The following ATP10B variants were observed in gnomAD, a reference collection of about 807,000 sequenced individuals.
The protein encoded by ATP10B is phospholipid-transporting ATPase VB.
In ATP10B, 122 loss-of-function variants were observed where a neutral mutation model predicts 141.2. The ratio of observed to expected loss-of-function variants is 0.86; its 90% CI spans 0.75 to 1.00. The LOEUF is 1.00. Ranked by LOEUF, ATP10B falls within the 50% of genes least tolerant of loss-of-function variation. The pLI is 0.00. For missense variants in ATP10B, 1,876 were observed against 1,825.3 expected (o/e 1.03, Z -0.51); for synonymous variants, 685 against 692.0 (o/e 0.99, Z 0.16).
intron 1 of ATP10B, among the ~76,000 whole-genome samples, chr5:160,851,377 T>C (rs1301873439): frequency 2.0e-5 from 3 of 152,190 alleles, no homozygotes; most frequent in Admixed American, 6.5e-5. Context: ...CTTTTTTATT[T>C]TTTTTCTGGA....
chr5:160,787,207 G>C (rs542138571), intron 1 of ATP10B, among the ~76,000 whole-genome samples: 51 of 151,650 alleles, frequency 3.4e-4, no homozygotes, highest in African/African-American at 1.2e-3. Flanking sequence ...TAGATTTCAA[G>C]ATTCACATTA....
the ATP10B span, among the ~76,000 whole-genome samples, chr5:160,916,898 C>G: frequency 6.6e-6 from 1 of 152,148 alleles, no homozygotes; most frequent in African/African-American, 2.4e-5. Context: ...TCTACAGTGT[C>G]GTGTGGTTTA....
At chr5:160,692,812 C>T (rs1274258809) in intron 3 of ATP10B, 1 of 152,210 alleles carries the variant, frequency 6.6e-6, no homozygotes, top group African/African-American at 2.4e-5. Flanking sequence ...TAGCCCCAAA[C>T]TCCTCACGGA....
intron 2 of ATP10B, among the ~76,000 whole-genome samples, chr5:160,783,380 C>T (rs1326366806): frequency 3.7e-5 from 5 of 136,926 alleles, no homozygotes; most frequent in African/African-American, 1.1e-4. Context: ...AGTATTTCAT[C>T]ATATATATAT....
chr5:160,623,829 T>A (rs1467786071), intron 13 of ATP10B, among the ~76,000 whole-genome samples: 1 of 152,240 alleles, frequency 6.6e-6, no homozygotes, highest in Non-Finnish European at 1.5e-5. Flanking sequence ...ATCTCCCTGC[T>A]GGCATCTTGC....
chr5:160,625,828 T>C (rs986166507), intron 13 of ATP10B, among the ~76,000 whole-genome samples: 1 of 152,246 alleles, frequency 6.6e-6, no homozygotes, highest in African/African-American at 2.4e-5. Flanking sequence ...GACTCCTTTC[T>C]AGGATACCAC....
At chr5:160,619,588 A>G (rs1007671850) in intron 15 of ATP10B, among the ~76,000 whole-genome samples, 8 of 152,318 alleles carry the variant, frequency 5.3e-5, no homozygotes, top group Admixed American at 2.6e-4. Flanking sequence ...CAGGAGGCAC[A>G]GGGCTGCCTG....
chr5:160,630,878 G>A (rs183243568), intron 13 of ATP10B, among the ~76,000 whole-genome samples: 1 of 152,312 alleles, frequency 6.6e-6, no homozygotes, highest in African/African-American at 2.4e-5. Context: ...GATGAGTAAT[G>A]ACCCAGAACA....
chr5:160,873,077 G>A, the ATP10B span, among the ~76,000 whole-genome samples: 1 of 149,330 alleles, frequency 6.7e-6, no homozygotes, highest in Non-Finnish European at 1.5e-5. Context: ...TTTTCTTGTA[G>A]CGGTCTTTTG....
At chr5:160,703,189 G>A (rs1764774826) in intron 3 of ATP10B, among the ~76,000 whole-genome samples, 1 of 152,008 alleles carries the variant, frequency 6.6e-6, no homozygotes, top group Non-Finnish European at 1.5e-5. Context: ...AATTTATTAT[G>A]TATATAATTA....
chr5:160,669,635 C>T (rs1168487477), intron 7 of ATP10B, among the ~76,000 whole-genome samples: 2 of 105,490 alleles, frequency 1.9e-5, no homozygotes, highest in South Asian at 3.1e-4. Flanking sequence ...TTTTTTGAGA[C>T]GGAGTCTCAC....
intron 7 of ATP10B, among the ~76,000 whole-genome samples, chr5:160,655,554 A>C (rs1453458733): frequency 2.6e-5 from 4 of 152,158 alleles, no homozygotes; most frequent in African/African-American, 9.7e-5. Flanking sequence ...AGAAGTGTGT[A>C]TTTTGAAAGG....
chr5:160,573,183 T>G (rs187003959), intron 24 of ATP10B, among the ~76,000 whole-genome samples: 43 of 152,324 alleles, frequency 2.8e-4, no homozygotes, highest in Admixed American at 2.7e-3. Context: ...AGTGCCCTTA[T>G]AAGAAAAGAC....
chr5:160,815,117 T>C (rs1363926824), intron 1 of ATP10B, among the ~76,000 whole-genome samples: 4 of 152,066 alleles, frequency 2.6e-5, no homozygotes, highest in African/African-American at 4.8e-5. Flanking sequence ...AATGACAGGA[T>C]CAAATTCACA....
rs1261562061 is a variant in ATP10B at position 160,822,989 on chromosome 5, CATATATATATACATATAT to C, written c.-576+28934_-576+28951del. 5.5e-3 allele frequency among the ~76,000 whole-genome samples: 383 copies of C among 69,706 alleles called. 7 individuals are homozygous for C. In the East Asian group the frequency reaches 0.061, roughly 11 times the overall value. The allele number at this position is 69,706 out of a possible 152,430, so 45.7% of individuals were successfully genotyped here. A position where few individuals can be genotyped will look rare whatever the true frequency, so the allele number is the denominator to read the frequency against. The stretch of plus-strand genomic sequence containing the variant: ...TGACTATAGTAAAAAATTACATATA[CATATATATATACATATAT>C]ATATATATATATATATATATATATA... On this transcript the variant is annotated intron_variant, in intron 1 of 25. Coordinates refer to ENST00000327245, the MANE Select transcript of ATP10B (RefSeq NM_025153.3).
intron 1 of ATP10B, among the ~76,000 whole-genome samples, chr5:160,824,906 C>T (rs1774461420): frequency 6.6e-6 from 1 of 152,160 alleles, no homozygotes; most frequent in Admixed American, 6.5e-5. Flanking sequence ...GGCAAGCCAC[C>T]TTCTCTCCCT....
chr5:160,881,261 G>C, the ATP10B span, among the ~76,000 whole-genome samples: 1 of 152,244 alleles, frequency 6.6e-6, no homozygotes, highest in Middle Eastern at 3.4e-3. Context: ...ACACCTATTA[G>C]AATTATCAAA....
At chr5:160,628,979 G>T (rs1477611989) in intron 13 of ATP10B, among the ~76,000 whole-genome samples, 1 of 151,670 alleles carries the variant, frequency 6.6e-6, no homozygotes, top group Non-Finnish European at 1.5e-5. Context: ...TGCTGTTTTT[G>T]TCGATTGTTA....
intron 2 of ATP10B, among the ~76,000 whole-genome samples, chr5:160,774,405 G>A (rs2127863442): frequency 6.6e-6 from 1 of 152,280 alleles, no homozygotes; most frequent in Admixed American, 6.5e-5. Context: ...CATGACTTTA[G>A]GCAAATCTCT....
Sources: allele counts gnomAD v4.1 joint callset (sites outside exome capture counted in the v4.1 genomes callset), GRCh38; gene constraint gnomAD v4.1.1; transcripts MANE v1.5; gene names NCBI Gene and HGNC (gene_info 2026-07-23, HGNC 2026-07-21).